REDIC1: variants seen among roughly 807,000 people sequenced by gnomAD.
The protein encoded by REDIC1 is HEI10 Interacting Protein 1.
the REDIC1 span, among the ~76,000 whole-genome samples, chr12:39,760,674 CCTTT>C: frequency 6.6e-6 from 1 of 151,880 alleles, no homozygotes; most frequent in African/African-American, 2.4e-5. Context: ...AGAAGAAGTT[CCTTT>C]CTTAATTTGT....
At chr12:39,777,214 A>G in the REDIC1 span, among the ~76,000 whole-genome samples, 7 of 152,220 alleles carry the variant, frequency 4.6e-5, no homozygotes, top group African/African-American at 1.7e-4. Context: ...CATATGAGGG[A>G]CTTTGGGTGA....
the REDIC1 span, among the ~76,000 whole-genome samples, chr12:39,905,312 T>C: frequency 6.6e-6 from 1 of 152,116 alleles, no homozygotes; most frequent in Admixed American, 6.6e-5. Context: ...AGATCCCAGA[T>C]GTAATCTGCT....
the REDIC1 span, among the ~76,000 whole-genome samples, chr12:39,881,650 T>C: frequency 1.3e-5 from 2 of 152,154 alleles, no homozygotes; most frequent in African/African-American, 4.8e-5. Context: ...CCCATACTCT[T>C]TTTCTGTGCC....
the REDIC1 span, chr12:39,745,856 C>T: frequency 6.6e-6 from 1 of 152,120 alleles, no homozygotes; most frequent in Non-Finnish European, 1.5e-5. Context: ...CTTTTATTTT[C>T]CAGCCTGGGA....
the REDIC1 span, among the ~76,000 whole-genome samples, chr12:39,712,180 G>A: frequency 5.9e-5 from 8 of 134,568 alleles, no homozygotes; most frequent in African/African-American, 2.1e-4. Flanking sequence ...ATATATACCT[G>A]TATGTATATG....
chr12:39,840,983 A>G, the REDIC1 span, among the ~76,000 whole-genome samples: 1 of 152,146 alleles, frequency 6.6e-6, no homozygotes, highest in Admixed American at 6.5e-5. Flanking sequence ...GAAGATAACA[A>G]GATTGAAGCT....
At chr12:39,866,380 A>G in the REDIC1 span, among the ~76,000 whole-genome samples, 1 of 152,224 alleles carries the variant, frequency 6.6e-6, no homozygotes, top group Non-Finnish European at 1.5e-5. Flanking sequence ...GATAAAGGAC[A>G]CAACCTTTCC....
chr12:39,638,114 A>G, the REDIC1 span, among the ~76,000 whole-genome samples: 16 of 152,142 alleles, frequency 1.1e-4, no homozygotes, highest in African/African-American at 3.9e-4. Flanking sequence ...CAACAACAAC[A>G]AAAAACAAAT....
chr12:39,857,547 T>C, the REDIC1 span, among the ~76,000 whole-genome samples: 2 of 152,334 alleles, frequency 1.3e-5, no homozygotes, highest in East Asian at 3.9e-4. Flanking sequence ...CTAAGTTCTT[T>C]TAACCTTTCT....
the REDIC1 span, among the ~76,000 whole-genome samples, chr12:39,698,345 G>A: frequency 6.6e-6 from 1 of 152,054 alleles, no homozygotes; most frequent in African/African-American, 2.4e-5. Context: ...GATACATAAA[G>A]CAAATATTAT....
the REDIC1 span, chr12:39,684,796 A>T: frequency 8.9e-7 from 1 of 1,120,264 alleles, no homozygotes; most frequent in African/African-American, 1.6e-5. Flanking sequence ...AAGTTTGGGA[A>T]CTCTAATTTA....
chr12:39,887,351 C>T, the REDIC1 span, among the ~76,000 whole-genome samples: 2 of 152,236 alleles, frequency 1.3e-5, no homozygotes, highest in South Asian at 2.1e-4. Flanking sequence ...GTACCCTGCC[C>T]CTTAAGGGGG....
At chr12:39,781,442 C>A in the REDIC1 span, among the ~76,000 whole-genome samples, 1 of 152,218 alleles carries the variant, frequency 6.6e-6, no homozygotes, top group African/African-American at 2.4e-5. Context: ...CCATTGTCAC[C>A]ACTATGCCCC....
the REDIC1 span, chr12:39,764,518 A>C: frequency 6.2e-7 from 1 of 1,611,314 alleles, no homozygotes; most frequent in Non-Finnish European, 8.5e-7. Flanking sequence ...GGACATTGAA[A>C]ATCCAGTTTA....
chr12:39,893,594 C>T, the REDIC1 span, among the ~76,000 whole-genome samples: 2 of 152,170 alleles, frequency 1.3e-5, no homozygotes, highest in African/African-American at 4.8e-5. Context: ...AGCCACCACG[C>T]CAGGCCTACC....
At chr12:39,746,368 G>A in the REDIC1 span, among the ~76,000 whole-genome samples, 1 of 152,190 alleles carries the variant, frequency 6.6e-6, no homozygotes, top group Non-Finnish European at 1.5e-5. Flanking sequence ...AGGCAGCAGT[G>A]AGGCTGGGGG....
chr12:39,740,610 G>GA, the REDIC1 span, among the ~76,000 whole-genome samples: 1 of 152,128 alleles, frequency 6.6e-6, no homozygotes, highest in Non-Finnish European at 1.5e-5. Flanking sequence ...AATTTGTGAT[G>GA]AAAAATATAA....
chr12:39,754,753 ATAAT>A, the REDIC1 span, among the ~76,000 whole-genome samples: 1 of 152,082 alleles, frequency 6.6e-6, no homozygotes. Context: ...GACAATAACT[ATAAT>A]TATTACTTCA....
chr12:39,735,569 T>C, the REDIC1 span, among the ~76,000 whole-genome samples: 1 of 152,198 alleles, frequency 6.6e-6, no homozygotes, highest in African/African-American at 2.4e-5. Context: ...AATACAACTT[T>C]CTCATTGTAG....
Sources: gnomAD v4.1 joint callset for allele counts (sites outside exome capture counted in the v4.1 genomes callset) on GRCh38, gnomAD v4.1.1 for gene constraint, MANE v1.5 for transcripts, NCBI Gene and HGNC (gene_info 2026-07-23, HGNC 2026-07-21) for gene names.